The following GOLT1B variants were observed in gnomAD, a reference collection of about 807,000 sequenced individuals.
The protein encoded by GOLT1B is vesicle transport protein GOT1B.
Under a neutral mutation model 15.4 loss-of-function variants are expected in GOLT1B, and 3 were observed. The observed-to-expected ratio is 0.19, with a 90% CI of 0.09 to 0.50. GOLT1B has a LOEUF of 0.50. GOLT1B is among the 20% of genes least tolerant of loss of function. The pLI is 0.97. For synonymous variants in GOLT1B, 65 were observed against 56.2 expected (o/e 1.16, Z -0.70); for missense variants, 145 against 160.4 (o/e 0.90, Z 0.52).
chr12:21,513,390 A>AT (rs1943734101), intron 4 of GOLT1B, among the ~76,000 whole-genome samples: 2 of 152,074 alleles, frequency 1.3e-5, no homozygotes, highest in African/African-American at 2.4e-5. Flanking sequence ...AATTCAGCTT[A>AT]TTTTTTGCCA....
At chr12:21,512,457 T>G in intron 4 of GOLT1B, 81 bp downstream of exon 4, 1 of 762,820 alleles carries the variant, frequency 1.3e-6, no homozygotes, top group Non-Finnish European at 2.4e-6. Flanking sequence ...TAATTGATAC[T>G]TGGTTAATTG....
chr12:21,512,450 T>C (rs1312300554), intron 4 of GOLT1B, 74 bp downstream of exon 4: 1 of 786,118 alleles, frequency 1.3e-6, no homozygotes, highest in Non-Finnish European at 2.3e-6. Context: ...ATTTGAGTAA[T>C]TGATACTTGG....
intron 2 of GOLT1B, chr12:21,507,868 A>C: frequency 2.3e-6 from 1 of 426,678 alleles, no homozygotes; most frequent in Non-Finnish European, 4.6e-6. Flanking sequence ...AGAATTTATA[A>C]AACTAGAATC....
chr12:21,501,840 G>A lies in GOLT1B; in HGVS notation c.-84G>A. 1 of 971,640 alleles carries A rather than the reference G, an allele frequency of 1.0e-6. No individual in the cohort carries two copies. The highest frequency in any genetic ancestry group is 1.6e-6 in the Non-Finnish European group (1 of 607,016). 60.2% of individuals were successfully genotyped at this position (971,640 alleles called of 1,614,324 possible). A position where few individuals can be genotyped will look rare whatever the true frequency, so the allele number is the denominator to read the frequency against. ...AGACGTGGCGGCTCTCGCCTGGGCT[G>A]TTTCCCGGCTTCATTTCTCCCGACT... On this transcript the variant is annotated 5_prime_UTR_variant, in exon 1 of 5. Transcript: ENST00000229314.
At chr12:21,504,131 A>G (rs1241313110) in intron 1 of GOLT1B, among the ~76,000 whole-genome samples, 2 of 152,240 alleles carry the variant, frequency 1.3e-5, no homozygotes, top group African/African-American at 2.4e-5. Context: ...TCCTTATACA[A>G]TTTCCACAGT....
chr12:21,514,717 G>A (rs892255821), intron 4 of GOLT1B, among the ~76,000 whole-genome samples: 1 of 152,114 alleles, frequency 6.6e-6, no homozygotes, highest in African/African-American at 2.4e-5. Context: ...GCTTTTGAAT[G>A]TACTGAAACT....
Position 21,501,806 on chromosome 12 carries a change from GT to G in GOLT1B, c.-115del. 1 of 740,098 alleles carries G rather than the reference GT, an allele frequency of 1.4e-6. No homozygotes were observed. The highest frequency in any genetic ancestry group is 2.7e-5 in the East Asian group (1 of 37,400). The allele number at this position is 740,098 out of a possible 1,614,324, so 45.8% of individuals were successfully genotyped here. On this transcript the variant is annotated 5_prime_UTR_variant, in exon 1 of 5. Coordinates refer to ENST00000229314, the MANE Select transcript of GOLT1B (RefSeq NM_016072.5). ...AAAGCGGCAGTGAGGGTGGCTGCGT[GT>G]TTCCGGAAGACGTGGCGGCTCTCGC...
chr12:21,503,025 C>G (rs1016091747), intron 1 of GOLT1B, among the ~76,000 whole-genome samples: 6 of 152,208 alleles, frequency 3.9e-5, no homozygotes, highest in African/African-American at 1.4e-4. Flanking sequence ...CACACACTGC[C>G]ACCCCCCAAT....
In GOLT1B at chr12:21,516,917, A is replaced by T. The variant is rs1180627265; in HGVS notation, c.*1210A>T. ...CTTAAGAACATGACACTAAAAAAAA[A>T]GTGTTTTTTTTCCACCGTTGCTGAT... On this transcript the variant is annotated 3_prime_UTR_variant, in exon 5 of 5. Coordinates refer to ENST00000229314, the MANE Select transcript of GOLT1B (RefSeq NM_016072.5). 1 of 152,384 alleles carries T rather than the reference A, an allele frequency of 6.6e-6. No homozygotes were observed. Among genetic ancestry groups the T allele is most frequent in the African/African-American group, 2.4e-5 (1 of 41,426 alleles). The allele number at this position is 152,384 out of a possible 1,614,324, so 9.4% of individuals were successfully genotyped here.
At chr12:21,502,542 A>G (rs1246230009) in intron 1 of GOLT1B, among the ~76,000 whole-genome samples, 1 of 152,210 alleles carries the variant, frequency 6.6e-6, no homozygotes, top group Non-Finnish European at 1.5e-5. Context: ...AGTTTCAAGC[A>G]GTAGAGAAAA....
rs1418288740 is a variant in GOLT1B, at chr12:21,515,862, G to T, written c.*155G>T. 2.0e-6 allele frequency: 1 copy of T among 491,864 alleles called. No individual in the cohort carries two copies. Among genetic ancestry groups the T allele is most frequent in the Non-Finnish European group, 3.5e-6 (1 of 283,570 alleles). 30.5% of individuals were successfully genotyped at this position (491,864 alleles called of 1,614,324 possible). A position where few individuals can be genotyped will look rare whatever the true frequency, so the allele number is the denominator to read the frequency against. On this transcript the variant is annotated 3_prime_UTR_variant, in exon 5 of 5. Coordinates refer to ENST00000229314, the MANE Select transcript of GOLT1B (RefSeq NM_016072.5). ...CCTACAAAGTACCAGCAGCAAATTA[G>T]CAAAGAAGCAGTGAAAACAGGCTTC...
rs1943626788 is a variant in GOLT1B at position 21,501,804 on chromosome 12, G to A, written c.-120G>A. 1 of 728,784 alleles carries A rather than the reference G, an allele frequency of 1.4e-6. No homozygotes were observed. The highest frequency in any genetic ancestry group is 2.1e-5 in the Admixed American group (1 of 47,756). The allele number at this position is 728,784 out of a possible 1,614,324, so 45.1% of individuals were successfully genotyped here. A position where few individuals can be genotyped will look rare whatever the true frequency, so the allele number is the denominator to read the frequency against. On this transcript the variant is annotated 5_prime_UTR_variant, in exon 1 of 5. It adds an upstream start codon to the 5' untranslated region. Transcript: ENST00000229314. ...TTAAAGCGGCAGTGAGGGTGGCTGCGTGTTTCCGGAAGACGTGGCGGCTCT... is the reference window on the plus strand; with the variant it reads ...TTAAAGCGGCAGTGAGGGTGGCTGCATGTTTCCGGAAGACGTGGCGGCTCT...
intron 3 of GOLT1B, 97 bp downstream of exon 3, chr12:21,508,658 T>C: frequency 1.5e-6 from 1 of 679,682 alleles, no homozygotes; most frequent in South Asian, 1.7e-5. Context: ...ATGATGATCA[T>C]TTCCTTAAAT....
At chr12:21,508,625 A>T (rs889498024) in intron 3 of GOLT1B, 64 bp downstream of exon 3, 1 of 795,790 alleles carries the variant, frequency 1.3e-6, no homozygotes, top group Non-Finnish European at 2.1e-6. Context: ...AAAAACTCAG[A>T]TATTTGCATC....
chr12:21,515,521 T>C (rs570973307), intron 4 of GOLT1B, 148 bp from the exon 5 acceptor site: 1 of 639,890 alleles, frequency 1.6e-6, no homozygotes, highest in Admixed American at 3.1e-5. Context: ...TGGTGAGTAG[T>C]ACTGGATTAG....
At chr12:21,514,218 G>T (rs1462960540) in intron 4 of GOLT1B, among the ~76,000 whole-genome samples, 1 of 152,172 alleles carries the variant, frequency 6.6e-6, no homozygotes, top group Non-Finnish European at 1.5e-5. Flanking sequence ...AAATAACTAG[G>T]ATAAACTAGC....
intron 3 of GOLT1B, among the ~76,000 whole-genome samples, chr12:21,510,457 A>T (rs1200035493): frequency 6.6e-6 from 1 of 152,236 alleles, no homozygotes; most frequent in Non-Finnish European, 1.5e-5. Context: ...TCTTAGTATC[A>T]TCGACAAGCT....
At position 21,501,892 on chromosome 12, in the gene GOLT1B, G is replaced by T. The variant is rs1393327559; in HGVS notation, c.-32G>T. 1 of 1,560,510 alleles carries T rather than the reference G, an allele frequency of 6.4e-7. No homozygotes were observed. The highest frequency in any genetic ancestry group is 1.7e-5 in the Admixed American group (1 of 59,824). On this transcript the variant is annotated 5_prime_UTR_variant, in exon 1 of 5. Transcript: ENST00000229314. The stretch of plus-strand genomic sequence containing the variant: ...AGCTTCCCACCCTGGGCTTTCCGAG[G>T]TGCTGTCGCCGCTGTCCCCACCACT...
intron 3 of GOLT1B, among the ~76,000 whole-genome samples, chr12:21,508,889 G>GTAGA (rs60378515): frequency 0.11 from 7,270 of 65,338 alleles, 241 homozygotes; most frequent in African/African-American, 0.13. Context: ...AGGTAGGTAG[G>GTAGA]TAGATAGATA....
Sources: gnomAD v4.1 joint callset for allele counts (sites outside exome capture counted in the v4.1 genomes callset) on GRCh38, gnomAD v4.1.1 for gene constraint, MANE v1.5 for transcripts, NCBI Gene and HGNC (gene_info 2026-07-23, HGNC 2026-07-21) for gene names.